MMS22L: variants seen among roughly 807,000 people sequenced by gnomAD.
The protein encoded by MMS22L is MMS22 like, DNA repair protein.
A neutral mutation model predicts 159.1 loss-of-function variants in MMS22L; 74 were observed. That is an observed-to-expected ratio of 0.47 (90% CI 0.39 to 0.56). The LOEUF (loss-of-function observed/expected upper bound fraction) is 0.56, where lower values mean the gene tolerates loss of function less well. Ranked by LOEUF, MMS22L falls within the 20% of genes least tolerant of loss-of-function variation. MMS22L has a pLI of 0.00. For missense variants in MMS22L, 1,351 were observed against 1,422.1 expected (o/e 0.95, Z 0.80); for synonymous variants, 517 against 506.9 (o/e 1.02, Z -0.27).
intron 8 of MMS22L, chr6:97,264,667 A>G (rs1215285296): frequency 1.3e-5 from 2 of 152,140 alleles, no homozygotes; most frequent in African/African-American, 2.4e-5. Flanking sequence ...ATCACCAAAA[A>G]TTATTTGAAT....
chr6:97,179,079 G>A (rs1804415496), intron 17 of MMS22L, among the ~76,000 whole-genome samples: 1 of 151,868 alleles, frequency 6.6e-6, no homozygotes, highest in African/African-American at 2.4e-5. Flanking sequence ...CTGGTTACTC[G>A]CTTCAGAGTT....
At chr6:97,203,630 GCA>G (rs1028757602) in intron 14 of MMS22L, among the ~76,000 whole-genome samples, 2 of 152,260 alleles carry the variant, frequency 1.3e-5, no homozygotes, top group East Asian at 3.9e-4. Flanking sequence ...CACTGAGGAG[GCA>G]GCTGTATTAT....
chr6:97,261,863 G>C (rs1814517294), intron 9 of MMS22L: 1 of 152,090 alleles, frequency 6.6e-6, no homozygotes, highest in Non-Finnish European at 1.5e-5. Context: ...CCAGGCTGGA[G>C]TGCAGTGGCA....
chr6:97,160,950 C>T (rs1239019089), intron 22 of MMS22L, among the ~76,000 whole-genome samples: 2 of 152,018 alleles, frequency 1.3e-5, no homozygotes, highest in Non-Finnish European at 2.9e-5. Flanking sequence ...ATTTCTTTCC[C>T]TATTGCCACC....
upstream of MMS22L, among the ~76,000 whole-genome samples, chr6:97,283,929 T>C (rs2128106947): frequency 6.6e-6 from 1 of 152,366 alleles, no homozygotes; most frequent in South Asian, 2.1e-4. Flanking sequence ...TTAAGAATCA[T>C]ACTTCTAACT....
chr6:97,170,366 G>A (rs1185634011), intron 19 of MMS22L, among the ~76,000 whole-genome samples: 1 of 151,932 alleles, frequency 6.6e-6, no homozygotes, highest in African/African-American at 2.4e-5. Flanking sequence ...ATTTGTGTGT[G>A]TGTTATTAAA....
At chr6:97,206,558 A>G (rs1582612400) in intron 14 of MMS22L, among the ~76,000 whole-genome samples, 1 of 152,192 alleles carries the variant, frequency 6.6e-6, no homozygotes, top group East Asian at 1.9e-4. Flanking sequence ...CCTACAGAAA[A>G]CAAAGAAATT....
At chr6:97,277,313 T>G (rs1816329550) in intron 4 of MMS22L, among the ~76,000 whole-genome samples, 1 of 152,116 alleles carries the variant, frequency 6.6e-6, no homozygotes, top group Non-Finnish European at 1.5e-5. Flanking sequence ...CTCAGGAGGC[T>G]GAGGCAGGAG....
intron 14 of MMS22L, among the ~76,000 whole-genome samples, chr6:97,220,552 G>A (rs1346724895): frequency 2.0e-5 from 3 of 152,056 alleles, no homozygotes; most frequent in Non-Finnish European, 2.9e-5. Context: ...GGAAGGCATT[G>A]GAGGCAGGGT....
At chr6:97,179,615 G>GAA in intron 16 of MMS22L, 56 bp from the exon 17 acceptor site, 1 of 1,471,678 alleles carries the variant, frequency 6.8e-7, no homozygotes, top group Non-Finnish European at 9.1e-7. Flanking sequence ...TGAGTATAGA[G>GAA]ATTAAGAAGT....
chr6:97,252,949 C>T (rs1053723768), intron 10 of MMS22L, among the ~76,000 whole-genome samples: 7 of 152,036 alleles, frequency 4.6e-5, no homozygotes, highest in African/African-American at 1.7e-4. Flanking sequence ...TTAATAAAAG[C>T]ACTACTATAG....
chr6:97,212,163 C>T (rs1308613550), intron 14 of MMS22L, among the ~76,000 whole-genome samples: 1 of 152,146 alleles, frequency 6.6e-6, no homozygotes, highest in Non-Finnish European at 1.5e-5. Flanking sequence ...GAGCAGCATT[C>T]TGATTTTATG....
chr6:97,164,947 T>TA (rs1446052151), intron 21 of MMS22L, among the ~76,000 whole-genome samples: 1 of 151,956 alleles, frequency 6.6e-6, no homozygotes, highest in East Asian at 1.9e-4. Context: ...TTATACAGTA[T>TA]AAAATACAAA....
intron 14 of MMS22L, among the ~76,000 whole-genome samples, chr6:97,215,114 A>ATATTT (rs1209431095): frequency 4.1e-4 from 36 of 87,216 alleles, no homozygotes; most frequent in African/African-American, 1.2e-3. Flanking sequence ...ATATATATAT[A>ATATTT]TTTTTTTTTT....
intron 18 of MMS22L, 89 bp downstream of exon 18, chr6:97,178,354 T>C: frequency 2.0e-6 from 2 of 1,013,526 alleles, no homozygotes; most frequent in South Asian, 4.2e-5. Flanking sequence ...TAAGAATTCA[T>C]TTTATAGAAA....
At chr6:97,163,327 C>T (rs552643143) in intron 21 of MMS22L, among the ~76,000 whole-genome samples, 2 of 151,902 alleles carry the variant, frequency 1.3e-5, no homozygotes, top group South Asian at 4.2e-4. Flanking sequence ...AAGATAAGCA[C>T]AGAATTCTCA....
At chr6:97,234,811 CT>C (rs1263920382) in intron 11 of MMS22L, among the ~76,000 whole-genome samples, 4 of 152,170 alleles carry the variant, frequency 2.6e-5, no homozygotes, top group African/African-American at 9.7e-5. Context: ...ATGGAAAAGC[CT>C]TTTGAAGGGC....
intron 3 of MMS22L, among the ~76,000 whole-genome samples, chr6:97,280,578 T>A (rs1490625938): frequency 6.6e-6 from 1 of 152,046 alleles, no homozygotes; most frequent in African/African-American, 2.4e-5. Flanking sequence ...CCTCCCAAAG[T>A]GCTGGGATTA....
chr6:97,217,087 A>G (rs1157055379), intron 14 of MMS22L, among the ~76,000 whole-genome samples: 1 of 152,164 alleles, frequency 6.6e-6, no homozygotes, highest in Non-Finnish European at 1.5e-5. Context: ...ATGAGAAGAC[A>G]ATTTTCTGGG....
Sources: allele counts gnomAD v4.1 joint callset (sites outside exome capture counted in the v4.1 genomes callset), GRCh38; gene constraint gnomAD v4.1.1; transcripts MANE v1.5; gene names NCBI Gene and HGNC (gene_info 2026-07-23, HGNC 2026-07-21).